Variants in HSPA12A observed in about 807,000 individuals in gnomAD.
HSPA12A encodes the protein heat shock 70 kDa protein 12A.
HSPA12A carries 28 observed loss-of-function variants against 69.2 expected under a neutral mutation model. The ratio of observed to expected loss-of-function variants is 0.40; its 90% CI spans 0.30 to 0.55. The LOEUF (loss-of-function observed/expected upper bound fraction) is 0.55. Among genes scored for constraint, HSPA12A ranks in the 20% least tolerant of loss-of-function variants. The pLI is 0.38. For synonymous variants in HSPA12A, 345 were observed against 370.5 expected, an observed-to-expected ratio of 0.93 and a Z score of 0.79; for missense variants, 686 against 900.7, an observed-to-expected ratio of 0.76 and a Z score of 3.05.
At chr10:116,741,744 C>T (rs1554887191) in intron 1 of HSPA12A, among the ~76,000 whole-genome samples, 1 of 152,172 alleles carries the variant, frequency 6.6e-6, no homozygotes, top group African/African-American at 2.4e-5. Flanking sequence ...CTGCAAAATG[C>T]GAGCGTCTGT....
At chr10:116,716,825 C>T (rs536264899) in intron 1 of HSPA12A, among the ~76,000 whole-genome samples, 39 of 152,092 alleles carry the variant, frequency 2.6e-4, no homozygotes, top group Non-Finnish European at 4.6e-4. Flanking sequence ...TCAGGGCCCC[C>T]GTCACTCTGT....
intron 2 of HSPA12A, among the ~76,000 whole-genome samples, chr10:116,800,710 A>G (rs1292517757): frequency 7.2e-5 from 11 of 152,216 alleles, no homozygotes; most frequent in Admixed American, 7.2e-4. Flanking sequence ...CTTGTCCCAC[A>G]GTCCAGGGTA....
At chr10:116,729,620 T>C (rs782760884) in intron 1 of HSPA12A, among the ~76,000 whole-genome samples, 1 of 152,198 alleles carries the variant, frequency 6.6e-6, no homozygotes, top group African/African-American at 2.4e-5. Context: ...ATACCTAAAT[T>C]CTTGATTTTT....
At chr10:116,787,461 A>C (rs1028720240) in intron 2 of HSPA12A, among the ~76,000 whole-genome samples, 2 of 150,312 alleles carry the variant, frequency 1.3e-5, no homozygotes, top group African/African-American at 4.9e-5. Context: ...AAAAAAAAAA[A>C]AACCACAGGC....
chr10:116,794,835 T>C (rs1760057817), intron 2 of HSPA12A, among the ~76,000 whole-genome samples: 1 of 152,222 alleles, frequency 6.6e-6, no homozygotes, highest in East Asian at 1.9e-4. Context: ...AAAAAGATAA[T>C]AGTTTTTTTA....
chr10:116,742,089 C>T (rs897507502), intron 1 of HSPA12A, among the ~76,000 whole-genome samples: 2 of 152,084 alleles, frequency 1.3e-5, no homozygotes, highest in African/African-American at 4.8e-5. Flanking sequence ...GGGGGCTGCA[C>T]ACGCGGGGCG....
At chr10:116,716,248 C>T (rs1018825797) in intron 1 of HSPA12A, among the ~76,000 whole-genome samples, 1 of 152,216 alleles carries the variant, frequency 6.6e-6, no homozygotes, top group Middle Eastern at 3.4e-3. Context: ...CTTAAAGGAC[C>T]CTGACATGCC....
At position 116,700,954 on chromosome 10, in the gene HSPA12A, G is replaced by A. The variant is rs781991080; in HGVS notation, c.430C>T (p.His144Tyr). 6.2e-7 allele frequency: 1 copy of A among 1,613,688 alleles called. No individual in the cohort carries two copies. The highest frequency in any genetic ancestry group is 1.1e-5 in the South Asian group (1 of 91,058). Residue 144 changes from histidine to tyrosine, a missense_variant, in exon 4 of 12, where the codon CAC (histidine) becomes TAC (tyrosine). Transcript: ENST00000369209. ...LYLEKFKMKL[H>Y]TTGDLTMDTD... is the part of the protein sequence containing the mutation. ...AGAGGCTTGCTCACCCCAGTGGTGTGCAGCTTCATCTTGAACTTCTCCAGG... is the reference window on the plus strand; with the variant it reads ...AGAGGCTTGCTCACCCCAGTGGTGTACAGCTTCATCTTGAACTTCTCCAGG...
intron 1 of HSPA12A, among the ~76,000 whole-genome samples, chr10:116,836,118 T>C (rs758426999): frequency 2.6e-5 from 4 of 152,164 alleles, no homozygotes; most frequent in Non-Finnish European, 5.9e-5. Flanking sequence ...AGAAAGCCCA[T>C]AGGAGGTGTC....
At chr10:116,701,306 C>A (rs561499227) in intron 3 of HSPA12A, among the ~76,000 whole-genome samples, 177 bp from the exon 4 acceptor site, 36 of 152,328 alleles carry the variant, frequency 2.4e-4, no homozygotes, top group African/African-American at 8.4e-4. Context: ...AGGAGATGAA[C>A]TGGGCAAGTG....
rs534843464 is a variant in HSPA12A, at chr10:116,734,464, A to C, written c.40+7966T>G. On this transcript the variant is annotated intron_variant, in intron 1 of 11. Transcript: ENST00000369209. ...GACTCTGTCTAAAAAAAAAAAAAAA[A>C]AAAGCAAAACCCATCCAGGGTGTCA... Among the ~76,000 whole-genome samples the C allele has an allele frequency of 2.8e-4, 42 of 151,550 alleles. No individual in the cohort carries two copies. In the East Asian group the frequency reaches 8.0e-3, roughly 29 times the overall value.
rs781852527 is a variant in HSPA12A, at chr10:116,675,208, G to A, written c.1601C>T (p.Pro534Leu). The A allele has an allele frequency of 9.3e-6, 15 of 1,613,590 alleles. No homozygotes were observed. Among genetic ancestry groups the A allele is most frequent in the African/African-American group, 4.0e-5 (3 of 74,926 alleles). Reference sequence around the variant, plus strand: ...CAGCACGCCTACCCCGTAGGTGAGCGGCGACCGGCGCACCTTGATGACCGC... The same window carrying A: ...CAGCACGCCTACCCCGTAGGTGAGCAGCGACCGGCGCACCTTGATGACCGC... Reference protein sequence around the residue: ...DPAVIKVRRSPLTYGVGVLNR... With the variant: ...DPAVIKVRRSLLTYGVGVLNR... Residue 534 changes from proline (P) to leucine (L), a missense_variant, in exon 12 of 12, where the codon CCG (proline) becomes CTG (leucine). Physicochemically the swap from Pro to Leu is moderately conservative, Grantham distance 98. Transcript: ENST00000369209. The surrounding 1 kb of genome is among the most constrained non-coding windows in gnomAD (Gnocchi z 5.2).
chr10:116,824,621 C>T (rs1346978832), intron 2 of HSPA12A, among the ~76,000 whole-genome samples: 2 of 152,150 alleles, frequency 1.3e-5, no homozygotes, highest in East Asian at 3.9e-4. Context: ...AATCCCACCA[C>T]TTAGTGTTTT....
At position 116,683,779 on chromosome 10, in the gene HSPA12A, G is replaced by A; in HGVS notation, c.835+12C>T. Reference sequence around the variant, plus strand: ...AAGGAGAGCAGGAGGGGGAGAGAGAGAGCAGAGGTACCCTGTGTAAACCCA... The same window carrying A: ...AAGGAGAGCAGGAGGGGGAGAGAGAAAGCAGAGGTACCCTGTGTAAACCCA... On this transcript the variant is annotated intron_variant, in intron 7 of 11. Coordinates refer to ENST00000369209, the MANE Select transcript of HSPA12A (RefSeq NM_025015.3). The A allele has an allele frequency of 6.6e-7, 1 of 1,525,252 alleles. No individual in the cohort carries two copies. Among genetic ancestry groups the A allele is most frequent in the Non-Finnish European group, 8.9e-7 (1 of 1,118,910 alleles). 94.5% of individuals were successfully genotyped at this position (1,525,252 alleles called of 1,614,324 possible). A position where few individuals can be genotyped will look rare whatever the true frequency, so the allele number is the denominator to read the frequency against.
chr10:116,824,786 G>A lies in HSPA12A; in HGVS notation c.91+10149C>T, dbSNP rs565931895. ...GTAGCTGGGACTATAGATGCGCACC[G>A]CCACACCCGGCTAATTTTTGTATTT... On this transcript the variant is annotated intron_variant, in intron 2 of 12. Coordinates refer to the HSPA12A transcript ENST00000635765. Among the ~76,000 whole-genome samples the A allele has an allele frequency of 5.9e-5, 9 of 152,216 alleles. No homozygotes were observed. The South Asian group carries it at 1.0e-3, about 18-fold the overall frequency.
chr10:116,834,835 C>T, intron 2 of HSPA12A: 1 of 580,252 alleles, frequency 1.7e-6, no homozygotes. Context: ...TTAAACGTCC[C>T]AGTTTTAAAC....
At chr10:116,748,259 T>G (rs1302518987) in intron 2 of HSPA12A, among the ~76,000 whole-genome samples, 1 of 152,196 alleles carries the variant, frequency 6.6e-6, no homozygotes, top group Non-Finnish European at 1.5e-5. Context: ...AGCAAGCCCA[T>G]GGTCACAGTA....
Position 116,701,011 on chromosome 10 carries a change from G to T in HSPA12A, c.373C>A (p.Leu125Met). 6.2e-7 allele frequency: 1 copy of T among 1,614,032 alleles called. No homozygotes were observed. The highest frequency in any genetic ancestry group is 8.5e-7 in the Non-Finnish European group (1 of 1,180,030). Residue 125 changes from leucine to methionine, a missense_variant, in exon 4 of 12, where the codon CTG (leucine) becomes ATG (methionine). Coordinates refer to ENST00000369209, the MANE Select transcript of HSPA12A (RefSeq NM_025015.3). ...CACTGCTTGGCCTCATTGGGATCCA[G>T]GTCATGGTAAAAGTCCCTGGCGGCA... ...GYAARDFYHD[L>M]DPNEAKQWLY...
intron 2 of HSPA12A, among the ~76,000 whole-genome samples, chr10:116,805,975 G>C (rs1845060356): frequency 6.6e-6 from 1 of 152,190 alleles, no homozygotes. Context: ...CCTAGGCAGT[G>C]GGCCTTTGGT....
Sources: gnomAD v4.1 joint callset for allele counts (sites outside exome capture counted in the v4.1 genomes callset) on GRCh38, gnomAD v4.1.1 for gene constraint, Gnocchi (gnomAD v3.1) non-coding constraint, MANE v1.5 for transcripts, NCBI Gene and HGNC (gene_info 2026-07-23, HGNC 2026-07-21) for gene names.